Variants in MYO16 observed in about 807,000 individuals in gnomAD.
MYO16 encodes the protein unconventional myosin-XVI.
In MYO16, 94 loss-of-function variants were observed where a neutral mutation model predicts 205.3. The observed-to-expected ratio is 0.46, with a 90% CI of 0.39 to 0.54. The LOEUF (loss-of-function observed/expected upper bound fraction) is 0.54. Among genes scored for constraint, MYO16 ranks in the 20% least tolerant of loss-of-function variants. The pLI is 0.00. For missense variants in MYO16, 2,315 were observed against 2,387.5 expected, an observed-to-expected ratio of 0.97 and a Z score of 0.63; for synonymous variants, 988 against 954.0, an observed-to-expected ratio of 1.04 and a Z score of -0.66.
intron 2 of MYO16, among the ~76,000 whole-genome samples, chr13:108,711,803 G>T (rs1883733150): frequency 6.6e-6 from 1 of 152,170 alleles, no homozygotes; most frequent in Non-Finnish European, 1.5e-5. Flanking sequence ...GAGCCATTTT[G>T]TCCAGTTGTG....
At chr13:109,064,252 A>G (rs1446343261) in intron 27 of MYO16, among the ~76,000 whole-genome samples, 2 of 152,158 alleles carry the variant, frequency 1.3e-5, no homozygotes, top group Non-Finnish European at 2.9e-5. Context: ...GGCCCTTTAC[A>G]GGAAAAGTTT....
At chr13:108,949,282 C>A (rs79990749) in intron 16 of MYO16, among the ~76,000 whole-genome samples, 1 of 151,914 alleles carries the variant, frequency 6.6e-6, no homozygotes, top group Non-Finnish European at 1.5e-5. Flanking sequence ...AAGGGGAGTG[C>A]GAAGAACCAA....
At chr13:108,899,479 T>G (rs574557575) in intron 15 of MYO16, among the ~76,000 whole-genome samples, 3 of 152,266 alleles carry the variant, frequency 2.0e-5, no homozygotes, top group African/African-American at 7.2e-5. Context: ...ATGTTGAAGT[T>G]AGAAGGTTAA....
At chr13:108,605,497 G>C (rs112286238) in intron 1 of MYO16, among the ~76,000 whole-genome samples, 2 of 152,098 alleles carry the variant, frequency 1.3e-5, no homozygotes, top group African/African-American at 2.4e-5. Context: ...TCATGAGGGC[G>C]GTTCCCCCAT....
At position 108,692,082 on chromosome 13, in the gene MYO16, A is replaced by G. The variant is rs191707225; in HGVS notation, c.293-20579A>G. On this transcript the variant is annotated intron_variant, in intron 2 of 34. Coordinates refer to ENST00000457511, the MANE Select transcript of MYO16 (RefSeq NM_001198950.3). ...CTAAAGTCTGACTCATTCCCTCTAA[A>G]GTTTTTGACTTACTGTTTACATTTA... Among the ~76,000 whole-genome samples the G allele has an allele frequency of 8.5e-3, 1,295 of 152,308 alleles. 8 individuals carry two copies. The highest frequency in any genetic ancestry group is 0.027 in the Middle Eastern group (8 of 294).
chr13:109,169,218 T>C (rs1344335618), intron 33 of MYO16, among the ~76,000 whole-genome samples: 1 of 152,210 alleles, frequency 6.6e-6, no homozygotes, highest in Non-Finnish European at 1.5e-5. Context: ...TGGAAATGTA[T>C]GGCTTCAAAC....
the MYO16 span, among the ~76,000 whole-genome samples, chr13:108,573,089 G>A: frequency 6.6e-6 from 1 of 152,108 alleles, no homozygotes; most frequent in Non-Finnish European, 1.5e-5. Flanking sequence ...GGCTGTAACT[G>A]GCATGCTTTT....
chr13:108,710,574 G>A (rs1883681684), intron 2 of MYO16, among the ~76,000 whole-genome samples: 1 of 152,094 alleles, frequency 6.6e-6, no homozygotes, highest in African/African-American at 2.4e-5. Flanking sequence ...TACATATGTT[G>A]TCTCATTTAA....
In MYO16 at chr13:108,740,299, A is replaced by G. The variant is rs543775490; in HGVS notation, c.507+12716A>G. ...CTTTGGTCTTTGATGATGGTGACGT[A>G]CAGATGGGGTTTTGGTGTGGATGTG... is the stretch of plus-strand genomic sequence containing the variant. On this transcript the variant is annotated intron_variant, in intron 4 of 34. Coordinates refer to ENST00000457511, the MANE Select transcript of MYO16 (RefSeq NM_001198950.3). Among the ~76,000 whole-genome samples, 53 of 152,258 alleles carry G rather than the reference A, an allele frequency of 3.5e-4. 1 individual carries two copies. Among genetic ancestry groups the G allele is most frequent in the Admixed American group, 2.9e-3 (44 of 15,298 alleles).
chr13:108,790,049 A>G (rs1363175354), intron 5 of MYO16, among the ~76,000 whole-genome samples: 1 of 152,164 alleles, frequency 6.6e-6, no homozygotes, highest in African/African-American at 2.4e-5. Flanking sequence ...GGTCTGACCC[A>G]GGCATAGGGA....
the MYO16 span, among the ~76,000 whole-genome samples, chr13:108,495,944 G>A: frequency 3.9e-5 from 6 of 152,008 alleles, no homozygotes; most frequent in African/African-American, 1.4e-4. Flanking sequence ...TCGGCGGGGC[G>A]CTGCGCGCGG....
chr13:108,840,362 G>A (rs1470611293), intron 9 of MYO16, among the ~76,000 whole-genome samples: 3 of 152,110 alleles, frequency 2.0e-5, no homozygotes. Flanking sequence ...CTATGGTTCA[G>A]TTGGAAGGCA....
the MYO16 span, among the ~76,000 whole-genome samples, chr13:108,510,463 T>TTTTTG: frequency 0.056 from 1,539 of 27,580 alleles, 81 homozygotes; most frequent in South Asian, 0.13. Flanking sequence ...TGATAGCTGT[T>TTTTTG]TTTTTTTTTT....
chr13:108,646,051 GTGA>G (rs1472235839), intron 1 of MYO16, among the ~76,000 whole-genome samples: 1 of 152,166 alleles, frequency 6.6e-6, no homozygotes, highest in Non-Finnish European at 1.5e-5. Context: ...CTGACTGTAG[GTGA>G]CCCCTGTCCT....
chr13:109,098,595 G>A (rs192706939), intron 27 of MYO16, among the ~76,000 whole-genome samples: 32 of 152,262 alleles, frequency 2.1e-4, no homozygotes, highest in Admixed American at 1.1e-3. Context: ...GGCTGCAGGC[G>A]TTGTAGTTTT....
intron 21 of MYO16, among the ~76,000 whole-genome samples, chr13:109,003,848 A>G (rs1366459799): frequency 6.6e-6 from 1 of 152,224 alleles, no homozygotes; most frequent in Non-Finnish European, 1.5e-5. Context: ...GATCGAAAGC[A>G]GTTTTTGTAC....
intron 1 of MYO16, among the ~76,000 whole-genome samples, chr13:108,632,173 A>T (rs1156746825): frequency 6.6e-6 from 1 of 151,078 alleles, no homozygotes; most frequent in African/African-American, 2.4e-5. Context: ...GTTGTTCCTG[A>T]TGCGTAAGAT....
Position 108,798,688 on chromosome 13 carries a change from A to ATTTT in MYO16, c.741+5073_741+5076dup, listed in dbSNP as rs35432777. ...TATATCACATCTGGCCCCGAGGCTT[A>ATTTT]TTTTTTTTTTTTTTTTTTTTTTTTT... is the stretch of plus-strand genomic sequence containing the variant. On this transcript the variant is annotated intron_variant, in intron 6 of 34. Transcript: ENST00000457511. Among the ~76,000 whole-genome samples, 589 of 70,352 alleles carry ATTTT rather than the reference A, an allele frequency of 8.4e-3. 100 individuals carry two copies. The highest frequency in any genetic ancestry group is 0.026 in the African/African-American group (430 of 16,698). The allele number at this position is 70,352 out of a possible 152,430, so 46.2% of individuals were successfully genotyped here.
intron 1 of MYO16, among the ~76,000 whole-genome samples, chr13:108,639,637 TGGAA>T (rs1258260107): frequency 2.1e-4 from 32 of 152,226 alleles, no homozygotes; most frequent in Admixed American, 2.1e-3. Flanking sequence ...TCCACTAAGA[TGGAA>T]TTCTTAGGAA....
Sources: allele counts gnomAD v4.1 joint callset (sites outside exome capture counted in the v4.1 genomes callset), GRCh38; gene constraint gnomAD v4.1.1; transcripts MANE v1.5; gene names NCBI Gene and HGNC (gene_info 2026-07-23, HGNC 2026-07-21).